Variants in NCAM1 observed in about 807,000 individuals in gnomAD.
NCAM1 encodes antigen recognized by monoclonal antibody 5.1H11.
Under a neutral mutation model 109.8 loss-of-function variants are expected in NCAM1, and 14 were observed. That is an observed-to-expected ratio of 0.13 (90% CI 0.08 to 0.20). NCAM1 has a LOEUF of 0.20. Ranked by LOEUF, NCAM1 falls within the 10% of genes least tolerant of loss-of-function variation. The pLI is 1.00. For missense variants in NCAM1, 774 were observed against 1,109.9 expected (o/e 0.70, Z 4.30); for synonymous variants, 418 against 442.9 (o/e 0.94, Z 0.70).
At chr11:113,210,678 G>C (rs919067802) in intron 7 of NCAM1, among the ~76,000 whole-genome samples, 1 of 151,444 alleles carries the variant, frequency 6.6e-6, no homozygotes, top group African/African-American at 2.4e-5. Context: ...GAAGAGAGTG[G>C]GTCAGGTCGA....
chr11:113,067,424 T>C (rs782253133), intron 1 of NCAM1, among the ~76,000 whole-genome samples: 6 of 152,208 alleles, frequency 3.9e-5, no homozygotes, highest in Non-Finnish European at 8.8e-5. Context: ...TAGAAAACCA[T>C]GGCACCAATT....
chr11:113,128,811 G>T (rs946121466), intron 1 of NCAM1, among the ~76,000 whole-genome samples: 1 of 152,096 alleles, frequency 6.6e-6, no homozygotes, highest in Non-Finnish European at 1.5e-5. Context: ...GCATGGGCGT[G>T]GGGGTACAGG....
intron 1 of NCAM1, among the ~76,000 whole-genome samples, chr11:113,023,156 C>A (rs945633420): frequency 6.6e-6 from 1 of 152,158 alleles, no homozygotes; most frequent in Non-Finnish European, 1.5e-5. Context: ...AATATCAGAG[C>A]GGCACGAACT....
chr11:113,151,631 G>GA, intron 1 of NCAM1, among the ~76,000 whole-genome samples: 1 of 152,252 alleles, frequency 6.6e-6, no homozygotes, highest in East Asian at 1.9e-4. Flanking sequence ...GAAATGATAG[G>GA]AAAAAAGGAA....
chr11:113,190,444 TG>T (rs1215342929), intron 1 of NCAM1, among the ~76,000 whole-genome samples: 2 of 152,216 alleles, frequency 1.3e-5, no homozygotes, highest in African/African-American at 4.8e-5. Flanking sequence ...GAATGTATTT[TG>T]GATGTGCCAG....
rs191182960 is a variant in NCAM1, at chr11:113,253,426, C to T, written c.1829-2451C>T. The stretch of plus-strand genomic sequence containing the variant: ...AACAGCCCAGGTGTAGTTGGTAGTC[C>T]GTGCTAGTGCAGTGGCTGTCACTGT... On this transcript the variant is annotated intron_variant, in intron 15 of 19. Coordinates refer to ENST00000316851, the MANE Select transcript of NCAM1 (RefSeq NM_181351.5). Among the ~76,000 whole-genome samples the T allele has an allele frequency of 9.9e-5, 15 of 152,094 alleles. No individual in the cohort carries two copies. In the East Asian group the frequency reaches 1.4e-3, roughly 14 times the overall value.
chr11:112,996,565 T>G (rs11214445), intron 1 of NCAM1, among the ~76,000 whole-genome samples: 22 of 152,220 alleles, frequency 1.4e-4, no homozygotes, highest in Non-Finnish European at 2.5e-4. Flanking sequence ...TGCTTTGGGA[T>G]TATTTTCCTG....
At chr11:113,092,184 A>C (rs1939378225) in intron 1 of NCAM1, among the ~76,000 whole-genome samples, 1 of 152,028 alleles carries the variant, frequency 6.6e-6, no homozygotes, top group Admixed American at 6.5e-5. Context: ...TCTCTGCCAG[A>C]CAGTGTTCTA....
At chr11:113,070,381 C>T in intron 1 of NCAM1, among the ~76,000 whole-genome samples, 1 of 152,064 alleles carries the variant, frequency 6.6e-6, no homozygotes, top group Non-Finnish European at 1.5e-5. Context: ...GCAGAAACAT[C>T]ATTCCTCCAA....
chr11:112,994,042 G>T (rs782497239), intron 1 of NCAM1, among the ~76,000 whole-genome samples: 39 of 152,140 alleles, frequency 2.6e-4, no homozygotes, highest in Non-Finnish European at 5.0e-4. Context: ...TGATCTTCTT[G>T]CCTGAATCCA....
chr11:113,278,436 A>G lies in NCAM1; in HGVS notation c.*3049A>G, dbSNP rs1479208263. 6.6e-6 allele frequency: 1 copy of G among 152,206 alleles called. No individual in the cohort carries two copies. The highest frequency in any genetic ancestry group is 1.5e-5 in the Non-Finnish European group (1 of 68,044). The allele number at this position is 152,206 out of a possible 1,614,324, so 9.4% of individuals were successfully genotyped here. On this transcript the variant is annotated 3_prime_UTR_variant, in exon 20 of 20. Transcript: ENST00000316851. ...CAATAAAAATTGAAAGAAAAAAGCTATTATGATCATACTGGGGTTTATTTC... is the reference window on the plus strand; with the variant it reads ...CAATAAAAATTGAAAGAAAAAAGCTGTTATGATCATACTGGGGTTTATTTC...
At chr11:113,243,770 G>A in intron 14 of NCAM1, 1 of 277,248 alleles carries the variant, frequency 3.6e-6, no homozygotes, top group South Asian at 3.4e-5. Context: ...CCATCAAGCA[G>A]AACAAGAAGG....
At chr11:113,063,492 C>A (rs553985831) in intron 1 of NCAM1, among the ~76,000 whole-genome samples, 1 of 152,338 alleles carries the variant, frequency 6.6e-6, no homozygotes, top group South Asian at 2.1e-4. Flanking sequence ...GCCTCCTCTG[C>A]AGACCACTTA....
intron 15 of NCAM1, among the ~76,000 whole-genome samples, chr11:113,247,308 G>C (rs782069020): frequency 1.3e-5 from 2 of 152,162 alleles, no homozygotes; most frequent in Non-Finnish European, 2.9e-5. Context: ...ATCACAGCCT[G>C]AGACATTGGC....
intron 1 of NCAM1, among the ~76,000 whole-genome samples, chr11:113,093,659 T>G (rs1358742257): frequency 6.6e-5 from 10 of 152,186 alleles, no homozygotes; most frequent in African/African-American, 2.4e-4. Context: ...AGGAGCAGAT[T>G]TAGTGGAAGT....
chr11:113,205,031 C>T (rs1295092126), intron 3 of NCAM1, among the ~76,000 whole-genome samples: 1 of 152,156 alleles, frequency 6.6e-6, no homozygotes, highest in East Asian at 1.9e-4. Context: ...GTATTGATTG[C>T]ACGGTATTTA....
chr11:113,046,848 G>GGACA (rs1386720710), intron 1 of NCAM1, among the ~76,000 whole-genome samples: 2 of 149,824 alleles, frequency 1.3e-5, no homozygotes, highest in Non-Finnish European at 3.0e-5. Context: ...GGACATAGAT[G>GGACA]GACAGACAGA....
At chr11:113,043,103 C>T (rs2135438004) in intron 1 of NCAM1, among the ~76,000 whole-genome samples, 1 of 152,100 alleles carries the variant, frequency 6.6e-6, no homozygotes, top group African/African-American at 2.4e-5. Context: ...CAGGTAGTTC[C>T]TCCCCAGGGT....
At chr11:112,997,105 C>T (rs782365878) in intron 1 of NCAM1, among the ~76,000 whole-genome samples, 3 of 152,108 alleles carry the variant, frequency 2.0e-5, no homozygotes, top group African/African-American at 7.2e-5. Flanking sequence ...CAAGGATGCA[C>T]TAGGCAGGGT....
Sources: gnomAD v4.1 joint callset for allele counts (sites outside exome capture counted in the v4.1 genomes callset) on GRCh38, gnomAD v4.1.1 for gene constraint, MANE v1.5 for transcripts, NCBI Gene and HGNC (gene_info 2026-07-23, HGNC 2026-07-21) for gene names.